GPM6A: variants seen among roughly 807,000 people sequenced by gnomAD.
GPM6A encodes neuronal membrane glycoprotein M6-a.
In GPM6A, 7 loss-of-function variants were observed where a neutral mutation model predicts 32.1. The observed-to-expected ratio is 0.22, with a 90% CI of 0.12 to 0.41. GPM6A has a LOEUF of 0.41. GPM6A is among the 10% of genes least tolerant of loss of function. The pLI is 1.00. For missense variants in GPM6A, 235 were observed against 347.2 expected (o/e 0.68, Z 2.57); for synonymous variants, 130 against 123.4 (o/e 1.05, Z -0.35).
At chr4:175,970,079 T>C (rs1030952028) in intron 1 of GPM6A, among the ~76,000 whole-genome samples, 3 of 152,204 alleles carry the variant, frequency 2.0e-5, no homozygotes, top group Non-Finnish European at 4.4e-5. Context: ...CCTTCCTTTC[T>C]CCTTTCTAAA....
At chr4:175,729,753 A>G (rs1277303984) in intron 1 of GPM6A, among the ~76,000 whole-genome samples, 2 of 145,696 alleles carry the variant, frequency 1.4e-5, no homozygotes, top group Non-Finnish European at 3.0e-5. Flanking sequence ...AAATTAATAT[A>G]TAGTATATAT....
intron 1 of GPM6A, chr4:175,807,667 G>T (rs908014224): frequency 1.3e-5 from 2 of 152,186 alleles, no homozygotes; most frequent in African/African-American, 2.4e-5. Context: ...CCTTGAAAAA[G>T]TTTTCATATC....
chr4:175,747,282 A>T (rs67822067), intron 1 of GPM6A, among the ~76,000 whole-genome samples: 1 of 133,408 alleles, frequency 7.5e-6, no homozygotes, highest in Non-Finnish European at 1.7e-5. Flanking sequence ...AAAAAAAAAA[A>T]AAAAAAAAAG....
intron 1 of GPM6A, among the ~76,000 whole-genome samples, chr4:175,919,537 G>T (rs1263208170): frequency 6.6e-6 from 1 of 152,150 alleles, no homozygotes; most frequent in Non-Finnish European, 1.5e-5. Context: ...TGACTTTCCA[G>T]CAGGCTTGTA....
At chr4:175,753,728 C>A (rs1732425131) in intron 1 of GPM6A, among the ~76,000 whole-genome samples, 1 of 152,138 alleles carries the variant, frequency 6.6e-6, no homozygotes. Flanking sequence ...ACTTTCCAAC[C>A]CAGCATGCAC....
chr4:175,909,940 A>G (rs963517323), intron 1 of GPM6A, among the ~76,000 whole-genome samples: 1 of 152,208 alleles, frequency 6.6e-6, no homozygotes, highest in Non-Finnish European at 1.5e-5. Context: ...ATGGAGTATA[A>G]TAAAAAGCCC....
chr4:175,867,476 A>C (rs934630897), intron 1 of GPM6A, among the ~76,000 whole-genome samples: 2 of 152,062 alleles, frequency 1.3e-5, no homozygotes, highest in African/African-American at 4.8e-5. Flanking sequence ...AGGGATGTAC[A>C]GTTGTTCCAG....
chr4:175,973,420 T>C (rs895705716), intron 1 of GPM6A, among the ~76,000 whole-genome samples: 24 of 152,230 alleles, frequency 1.6e-4, no homozygotes, highest in African/African-American at 5.3e-4. Flanking sequence ...TGTGACTCCT[T>C]TGAGGTGGTC....
intron 1 of GPM6A, among the ~76,000 whole-genome samples, chr4:175,810,612 A>G (rs1299229051): frequency 6.6e-6 from 1 of 152,232 alleles, no homozygotes; most frequent in Non-Finnish European, 1.5e-5. Context: ...TCAACCTGTT[A>G]CCACAATCCA....
intron 1 of GPM6A, among the ~76,000 whole-genome samples, chr4:175,976,178 G>C (rs1265856802): frequency 1.1e-5 from 1 of 90,262 alleles, no homozygotes; most frequent in East Asian, 3.8e-4. Context: ...TTTTTTTCTT[G>C]AGACGGAGTC....
intron 1 of GPM6A, among the ~76,000 whole-genome samples, chr4:175,752,211 G>A (rs1350458135): frequency 6.6e-6 from 1 of 152,118 alleles, no homozygotes; most frequent in Non-Finnish European, 1.5e-5. Flanking sequence ...CTTGCATAGA[G>A]TGTTGCCTTC....
chr4:175,688,444 T>C (rs1417344569), intron 2 of GPM6A, among the ~76,000 whole-genome samples: 1 of 151,936 alleles, frequency 6.6e-6, no homozygotes, highest in African/African-American at 2.4e-5. Context: ...GCATCCTTTA[T>C]TGAAGAGACT....
At chr4:175,995,506 C>T (rs1027076189) in intron 1 of GPM6A, among the ~76,000 whole-genome samples, 6 of 151,838 alleles carry the variant, frequency 4.0e-5, no homozygotes, top group African/African-American at 1.2e-4. Flanking sequence ...TAATGAGTGG[C>T]TAAGTCAGCT....
intron 1 of GPM6A, among the ~76,000 whole-genome samples, chr4:175,995,333 T>C (rs1430718403): frequency 8.8e-6 from 1 of 113,196 alleles, no homozygotes; most frequent in Non-Finnish European, 1.8e-5. Context: ...TCTTAAATAA[T>C]AAGACTTGGA....
At chr4:175,979,308 C>A (rs1561020807) in intron 1 of GPM6A, among the ~76,000 whole-genome samples, 1 of 151,972 alleles carries the variant, frequency 6.6e-6, no homozygotes, top group Non-Finnish European at 1.5e-5. Flanking sequence ...TTAAACACAA[C>A]TTTTCCAGGT....
At chr4:175,675,824 G>GT (rs1035510549) in intron 2 of GPM6A, among the ~76,000 whole-genome samples, 29 of 150,262 alleles carry the variant, frequency 1.9e-4, no homozygotes, top group East Asian at 2.5e-4. Context: ...AAATTTCTTC[G>GT]TTTTTTTTGT....
intron 1 of GPM6A, among the ~76,000 whole-genome samples, chr4:175,739,611 C>T (rs1002137681): frequency 1.2e-4 from 19 of 152,050 alleles, no homozygotes; most frequent in Admixed American, 1.2e-3. Context: ...GTTTTGTAAA[C>T]ATAGAGACTT....
chr4:175,857,733 A>C (rs1390657535), intron 1 of GPM6A, among the ~76,000 whole-genome samples: 2 of 151,308 alleles, frequency 1.3e-5, no homozygotes, highest in Non-Finnish European at 2.9e-5. Flanking sequence ...AGATTTTCTG[A>C]AAAAAAGAAA....
intron 1 of GPM6A, among the ~76,000 whole-genome samples, chr4:175,798,855 A>G (rs1734342882): frequency 2.0e-5 from 3 of 152,174 alleles, no homozygotes; most frequent in African/African-American, 7.2e-5. Flanking sequence ...CAGGAAAGCA[A>G]TTTTACCAAG....
Sources: allele counts gnomAD v4.1 joint callset (sites outside exome capture counted in the v4.1 genomes callset), GRCh38; gene constraint gnomAD v4.1.1; transcripts MANE v1.5; gene names NCBI Gene and HGNC (gene_info 2026-07-23, HGNC 2026-07-21).